The following SIDT2 variants were observed in gnomAD, a reference collection of about 807,000 sequenced individuals.
SIDT2 encodes SID1 transmembrane family member 2.
A neutral mutation model predicts 114.4 loss-of-function variants in SIDT2; 68 were observed. The observed-to-expected ratio is 0.59, with a 90% CI of 0.49 to 0.73. SIDT2 has a LOEUF of 0.73. Among genes scored for constraint, SIDT2 ranks in the 30% least tolerant of loss-of-function variants. The pLI, the probability that SIDT2 is intolerant of heterozygous loss-of-function variation, is 0.00. For missense variants in SIDT2, 918 were observed against 1,097.1 expected, an observed-to-expected ratio of 0.84 and a Z score of 2.31; for synonymous variants, 470 against 438.4, an observed-to-expected ratio of 1.07 and a Z score of -0.90.
At chr11:117,189,642 C>G in intron 15 of SIDT2, 1 of 603,314 alleles carries the variant, frequency 1.7e-6, no homozygotes, top group Non-Finnish European at 2.9e-6. Context: ...GTTTCTTGTG[C>G]GGATTATGAA....
Position 117,196,234 on chromosome 11 carries a change from G to A in SIDT2, c.*168G>A, listed in dbSNP as rs2030893062. 3 of 877,054 alleles carry A rather than the reference G, an allele frequency of 3.4e-6. No homozygotes were observed. The highest frequency in any genetic ancestry group is 3.5e-4 in the Middle Eastern group (1 of 2,858). 54.3% of individuals were successfully genotyped at this position (877,054 alleles called of 1,614,324 possible). Reference sequence around the variant, plus strand: ...GCTTGGCCTGGGACAGCCATGGGGTGGCATGGAACCTTGCAGCTGCCCTCT... The same window carrying A: ...GCTTGGCCTGGGACAGCCATGGGGTAGCATGGAACCTTGCAGCTGCCCTCT... On this transcript the variant is annotated 3_prime_UTR_variant, in exon 26 of 26. Transcript: ENST00000324225. The surrounding 1 kb of genome is among the most constrained non-coding windows in gnomAD (Gnocchi z 4.9).
chr11:117,181,707 G>T, intron 2 of SIDT2, 100 bp from the exon 3 acceptor site: 4 of 1,582,434 alleles, frequency 2.5e-6, no homozygotes, highest in Non-Finnish European at 3.5e-6. Flanking sequence ...TCGCAGGGAG[G>T]TGGTGGAGAC....
chr11:117,180,951 C>G (rs1332361456), intron 1 of SIDT2, among the ~76,000 whole-genome samples: 1 of 152,226 alleles, frequency 6.6e-6, no homozygotes, highest in Non-Finnish European at 1.5e-5. Flanking sequence ...CTCAACTCCT[C>G]TGGGCTCTGG....
chr11:117,190,933 G>A lies in SIDT2; in HGVS notation c.1735+193G>A. 1.8e-6 allele frequency: 1 copy of A among 569,172 alleles called. No homozygotes were observed. Among genetic ancestry groups the A allele is most frequent in the East Asian group, 2.9e-5 (1 of 34,952 alleles). 35.3% of individuals were successfully genotyped at this position (569,172 alleles called of 1,614,324 possible). ...AGATGCTGCTTCATTCATCTGTCAA[G>A]CTATTCCTATGTAAAGGCATGTGCC... On this transcript the variant is annotated intron_variant, in intron 18 of 25. Coordinates refer to ENST00000324225, the MANE Select transcript of SIDT2 (RefSeq NM_001040455.2). The surrounding 1 kb of genome is among the most constrained non-coding windows in gnomAD (Gnocchi z 4.1).
In SIDT2 at chr11:117,192,765, T is replaced by G; in HGVS notation, c.2059-55T>G. On this transcript the variant is annotated intron_variant, in intron 21 of 25. Coordinates refer to ENST00000324225, the MANE Select transcript of SIDT2 (RefSeq NM_001040455.2). The surrounding 1 kb of genome is among the most constrained non-coding windows in gnomAD (Gnocchi z 5.9). ...GTGGGGACCAGCTGGCTGGGCCTTCTTCCACCACCCTCCCTGCCCCTGCCC... is the reference window on the plus strand; with the variant it reads ...GTGGGGACCAGCTGGCTGGGCCTTCGTCCACCACCCTCCCTGCCCCTGCCC... The G allele has an allele frequency of 6.2e-7, 1 of 1,613,122 alleles. No individual in the cohort carries two copies. The highest frequency in any genetic ancestry group is 8.5e-7 in the Non-Finnish European group (1 of 1,179,272).
chr11:117,182,529 A>G lies in SIDT2; in HGVS notation c.527A>G (p.Tyr176Cys), dbSNP rs1442896252. 1 of 1,614,134 alleles carries G rather than the reference A, an allele frequency of 6.2e-7. No homozygotes were observed. Among genetic ancestry groups the G allele is most frequent in the Non-Finnish European group, 8.5e-7 (1 of 1,179,966 alleles). ...TTAAQPQYFK[Y>C]EFPEGVDSVI... ...TTCCTGCACCCTCAGTACTTCAAGT[A>G]TGAGTTCCCTGAAGGCGTGGACTCG... Residue 176 changes from tyrosine (Y) to cysteine (C), a missense_variant, in exon 5 of 26, where the codon TAT (tyrosine) becomes TGT (cysteine). By Grantham distance (194) the Tyr-to-Cys change is radical. Transcript: ENST00000324225.
At chr11:117,181,146 C>T (rs1436054504) in intron 1 of SIDT2, among the ~76,000 whole-genome samples, 5 of 152,114 alleles carry the variant, frequency 3.3e-5, no homozygotes, top group African/African-American at 9.7e-5. Flanking sequence ...AAGGCCTCCA[C>T]CGTGTTTCCT....
In SIDT2 at chr11:117,188,754, G is replaced by T; in HGVS notation, c.1206G>T (p.Met402Ile). The T allele has an allele frequency of 6.2e-7, 1 of 1,614,170 alleles. No individual in the cohort carries two copies. The highest frequency in any genetic ancestry group is 8.5e-7 in the Non-Finnish European group (1 of 1,180,032). Reference sequence around the variant, plus strand: ...GTACTCGGCCCCGAGTGGACTCCATGAGCTCTGTGGAGGAGGATGACTACG... The same window carrying T: ...GTACTCGGCCCCGAGTGGACTCCATTAGCTCTGTGGAGGAGGATGACTACG... ...PVGTRPRVDS[M>I]SSVEEDDYDT... The change falls in exon 13 of 26, where the codon ATG becomes ATT. Residue 402 changes from methionine (M) to isoleucine (I), a missense_variant. Met to Ile is a conservative substitution (Grantham distance 10, BLOSUM62 1). Around this residue, in one of 4 missense-constraint regions of SIDT2, gnomAD observed 553 missense variants for 600.1 expected, o/e 0.92. Coordinates refer to ENST00000324225, the MANE Select transcript of SIDT2 (RefSeq NM_001040455.2). This position sits in a 1 kb window ranked among gnomAD's most constrained non-coding sequence, Gnocchi z 4.0.
chr11:117,181,743 T>C, intron 2 of SIDT2, 64 bp from the exon 3 acceptor site: 1 of 1,606,576 alleles, frequency 6.2e-7, no homozygotes, highest in Non-Finnish European at 8.5e-7. Context: ...GGGGCCTCGC[T>C]CCTCTGGAGG....
chr11:117,191,692 G>T (rs2030707217), intron 18 of SIDT2, 186 bp from the exon 19 acceptor site: 3 of 724,930 alleles, frequency 4.1e-6, no homozygotes, highest in Non-Finnish European at 6.9e-6. Context: ...AGCCAGTGGG[G>T]TGGCAGTGTG....
At chr11:117,194,712 C>G (rs900650084) in intron 24 of SIDT2, among the ~76,000 whole-genome samples, 31 of 152,152 alleles carry the variant, frequency 2.0e-4, no homozygotes, top group Admixed American at 1.8e-3. Context: ...GGCAGGAGGA[C>G]AGAGGACTAA....
chr11:117,182,655 G>A (rs775591296), intron 5 of SIDT2, 35 bp downstream of exon 5: 3 of 1,613,878 alleles, frequency 1.9e-6, no homozygotes, highest in Non-Finnish European at 2.5e-6. Flanking sequence ...TCCCCAGCAG[G>A]CAGCAGGGCT....
Position 117,182,703 on chromosome 11 carries a change from C to T in SIDT2, c.619-20C>T. 6.2e-7 allele frequency: 1 copy of T among 1,613,958 alleles called. No homozygotes were observed. The highest frequency in any genetic ancestry group is 8.5e-7 in the Non-Finnish European group (1 of 1,179,822). Reference sequence around the variant, plus strand: ...GGCAGGCCAGGTTCCCATCCATCTGCCTCTCCCGCCCCTCTGCAGTGTCCT... The same window carrying T: ...GGCAGGCCAGGTTCCCATCCATCTGTCTCTCCCGCCCCTCTGCAGTGTCCT... On this transcript the variant is annotated intron_variant, in intron 5 of 25. Coordinates refer to ENST00000324225, the MANE Select transcript of SIDT2 (RefSeq NM_001040455.2).
chr11:117,183,131 A>C (rs975999206), intron 6 of SIDT2, among the ~76,000 whole-genome samples: 1 of 152,118 alleles, frequency 6.6e-6, no homozygotes, highest in African/African-American at 2.4e-5. Flanking sequence ...ATCACCTGAG[A>C]TCAGGAGTTC....
Position 117,188,723 on chromosome 11 carries a change from C to G in SIDT2, c.1175C>G (p.Pro392Arg). The G allele has an allele frequency of 6.2e-7, 1 of 1,614,170 alleles. No homozygotes were observed. Residue 392 changes from proline to arginine, a missense_variant, in exon 13 of 26, where the codon CCT (proline) becomes CGT (arginine). Coordinates refer to ENST00000324225, the MANE Select transcript of SIDT2 (RefSeq NM_001040455.2). This position sits in a 1 kb window ranked among gnomAD's most constrained non-coding sequence, Gnocchi z 4.0. ...SYGYQGRSFE[P>R]VGTRPRVDSM... ...CCCTTTCCAGGCCGCTCCTTTGAAC[C>G]TGTAGGTACTCGGCCCCGAGTGGAC...
At position 117,191,964 on chromosome 11, in the gene SIDT2, A is replaced by G. The variant is rs751375861; in HGVS notation, c.1822A>G (p.Ser608Gly). Reference sequence around the variant, plus strand: ...CCCGGACATCAACGCCAGCGCCTACAGTGCCTACGCCTGCCTGGCCATTGT... The same window carrying G: ...CCCGGACATCAACGCCAGCGCCTACGGTGCCTACGCCTGCCTGGCCATTGT... ...RHPDINASAYSAYACLAIVIF... is the reference protein window; with the variant it reads ...RHPDINASAYGAYACLAIVIF... The change falls in exon 19 of 26, where the codon AGT (serine) becomes GGT (glycine). Residue 608 changes from serine (S) to glycine (G), a missense_variant. Physicochemically the swap from Ser to Gly is moderately conservative, Grantham distance 56. This residue lies in a region of SIDT2 where 275 missense variants were observed against 397.6 expected (regional missense o/e 0.69). Transcript: ENST00000324225. 6.2e-7 allele frequency: 1 copy of G among 1,614,182 alleles called. No homozygotes were observed. The highest frequency in any genetic ancestry group is 8.5e-7 in the Non-Finnish European group (1 of 1,180,032).
chr11:117,182,219 G>T lies in SIDT2; in HGVS notation c.516+114G>T, dbSNP rs1325848531. ...TTGAATTGGCTGTTTTCTCCATGGAGGGCTCTCTGGAAACAGGAGCTCTGG... is the reference window on the plus strand; with the variant it reads ...TTGAATTGGCTGTTTTCTCCATGGATGGCTCTCTGGAAACAGGAGCTCTGG... On this transcript the variant is annotated intron_variant, in intron 4 of 25. Transcript: ENST00000324225. The T allele has an allele frequency of 8.2e-6, 10 of 1,223,028 alleles. No homozygotes were observed. The African/African-American group carries it at 1.5e-4, about 18-fold the overall frequency. The allele number at this position is 1,223,028 out of a possible 1,614,324, so 75.8% of individuals were successfully genotyped here.
chr11:117,190,265 G>A lies in SIDT2; in HGVS notation c.1593G>A (p.Leu531=). Residue 531 remains leucine, a synonymous_variant, in exon 17 of 26, where the codon CTG becomes CTA. Transcript: ENST00000324225. The surrounding 1 kb of genome is among the most constrained non-coding windows in gnomAD (Gnocchi z 4.1). The part of the protein sequence containing the change: ...LQREINHNRA[L]LRNDLCALEC... ...GGGAGATCAACCACAACCGGGCCCT[G>A]CTGCGCAATGACCTCTGTGCCCTGG... The A allele has an allele frequency of 1.9e-6, 3 of 1,557,892 alleles. No homozygotes were observed. The highest frequency in any genetic ancestry group is 2.6e-6 in the Non-Finnish European group (3 of 1,153,118).
chr11:117,181,947 G>C lies in SIDT2; in HGVS notation c.446G>C (p.Ser149Thr). 1 of 1,614,172 alleles carries C rather than the reference G, an allele frequency of 6.2e-7. No homozygotes were observed. The highest frequency in any genetic ancestry group is 8.5e-7 in the Non-Finnish European group (1 of 1,180,026). The part of the protein sequence containing the change: ...PVNTTYQLRV[S>T]RMDDFVLRTG... ...AACACCACATACCAGCTCCGGGTCA[G>C]CCGCATGGACGATTTTGTGCTCAGG... The change falls in exon 3 of 26, where the codon AGC becomes ACC. Residue 149 changes from serine (S) to threonine (T), a missense_variant. By Grantham distance (58) the Ser-to-Thr change is moderately conservative (BLOSUM62 1). Around this residue, in one of 4 missense-constraint regions of SIDT2, gnomAD observed 553 missense variants for 600.1 expected, o/e 0.92. Coordinates refer to ENST00000324225, the MANE Select transcript of SIDT2 (RefSeq NM_001040455.2).
Sources: allele counts gnomAD v4.1 joint callset (sites outside exome capture counted in the v4.1 genomes callset), GRCh38; gene constraint gnomAD v4.1.1; regional missense constraint gnomAD v4.1.1; non-coding constraint Gnocchi (gnomAD v3.1); transcripts MANE v1.5; gene names NCBI Gene and HGNC (gene_info 2026-07-23, HGNC 2026-07-21).